ZC3H3: variants seen among roughly 807,000 people sequenced by gnomAD.
ZC3H3 encodes the protein zinc finger CCCH-type containing 3.
A neutral mutation model predicts 77.3 loss-of-function variants in ZC3H3; 36 were observed. That is an observed-to-expected ratio of 0.47 (90% confidence interval 0.36 to 0.61). The LOEUF is 0.61. ZC3H3 is among the 20% of genes least tolerant of loss of function. The pLI, the probability that ZC3H3 is intolerant of heterozygous loss-of-function variation, is 0.00. For synonymous variants in ZC3H3, 626 were observed against 555.2 expected (o/e 1.13, Z -1.79); for missense variants, 1,331 against 1,312.2 (o/e 1.01, Z -0.22).
intron 4 of ZC3H3, among the ~76,000 whole-genome samples, chr8:143,481,353 G>T (rs935051486): frequency 6.6e-6 from 1 of 152,156 alleles, no homozygotes; most frequent in East Asian, 1.9e-4. Context: ...TTCCCTCCCC[G>T]CCACCGAAGT....
chr8:143,529,950 C>T (rs1226758726), intron 3 of ZC3H3, among the ~76,000 whole-genome samples: 3 of 152,230 alleles, frequency 2.0e-5, no homozygotes, highest in African/African-American at 7.2e-5. Flanking sequence ...CCCACGCCTG[C>T]CCTTTCTGCC....
Position 143,479,204 on chromosome 8 carries a change from C to T in ZC3H3, c.1716-3619G>A, listed in dbSNP as rs372814922. 3.3e-5 allele frequency among the ~76,000 whole-genome samples: 5 copies of T among 152,296 alleles called. No homozygotes were observed. The East Asian group carries it at 9.6e-4, about 29-fold the overall frequency. On this transcript the variant is annotated intron_variant, in intron 4 of 11. Coordinates refer to ENST00000262577, the MANE Select transcript of ZC3H3 (RefSeq NM_015117.3). ...CTAGGGTTGCCCTCACCCCTGCCCT[C>T]GCCCTGGCTGCCTGGCTGGCTTTGG... is the stretch of plus-strand genomic sequence containing the variant.
intron 4 of ZC3H3, among the ~76,000 whole-genome samples, chr8:143,478,209 G>A (rs983018781): frequency 2.6e-5 from 4 of 152,194 alleles, no homozygotes; most frequent in African/African-American, 7.2e-5. Context: ...TCACCTGCAG[G>A]AGTGTCCCCC....
intron 8 of ZC3H3, among the ~76,000 whole-genome samples, chr8:143,467,550 C>T (rs1205900875): frequency 6.6e-6 from 1 of 152,216 alleles, no homozygotes; most frequent in African/African-American, 2.4e-5. Context: ...TGCCCAACAC[C>T]GCCTCCCTCA....
intron 4 of ZC3H3, among the ~76,000 whole-genome samples, chr8:143,492,311 G>GT (rs1821229612): frequency 6.6e-6 from 1 of 152,130 alleles, no homozygotes; most frequent in African/African-American, 2.4e-5. Context: ...GACTGGCCCA[G>GT]TGGGGGGGAT....
intron 3 of ZC3H3, among the ~76,000 whole-genome samples, chr8:143,521,783 T>C (rs943616530): frequency 1.3e-5 from 2 of 152,124 alleles, no homozygotes; most frequent in African/African-American, 2.4e-5. Context: ...AGGAAGAACG[T>C]AAATTGAGCA....
chr8:143,440,345 C>T lies in ZC3H3; in HGVS notation c.2511G>A (p.Gln837=), dbSNP rs566551144. The T allele has an allele frequency of 4.4e-5, 67 of 1,529,868 alleles. No homozygotes were observed. The East Asian group carries it at 1.5e-3, about 34-fold the overall frequency. 94.8% of individuals were successfully genotyped at this position (1,529,868 alleles called of 1,614,324 possible). A position where few individuals can be genotyped will look rare whatever the true frequency, so the allele number is the denominator to read the frequency against. ...SHGPRKPSAS[Q]RPTRQTPSSA... is the part of the protein sequence containing the mutation. ...AGCTGGGCGTCTGCCTGGTGGGGCG[C>T]TGGGATGCTGAAGGCTTCCTGCAGG... The change falls in exon 11 of 12, where the codon CAG becomes CAA. Residue 837 remains glutamine, a synonymous_variant. Transcript: ENST00000262577.
intron 11 of ZC3H3, among the ~76,000 whole-genome samples, chr8:143,439,546 G>C (rs189016265): frequency 6.6e-6 from 1 of 152,138 alleles, no homozygotes; most frequent in Non-Finnish European, 1.5e-5. Context: ...AATGCTCATC[G>C]GGGGAGAGGG....
rs927165048 is a variant in ZC3H3, at chr8:143,440,234, G to A, written c.2622C>T (p.Ser874=). 2 of 1,603,334 alleles carry A rather than the reference G, an allele frequency of 1.2e-6. No individual in the cohort carries two copies. The highest frequency in any genetic ancestry group is 1.7e-6 in the Non-Finnish European group (2 of 1,175,990). Residue 874 remains serine (S), a synonymous_variant, in exon 11 of 12, where the codon TCC becomes TCT. Coordinates refer to ENST00000262577, the MANE Select transcript of ZC3H3 (RefSeq NM_015117.3). ...SASPSSSKAS[S]SSSSSSSPPA... ...GAGGGGATGAGGAGGAGGAGGAGGA[G>A]GAGGAAGCCTTCGAGGATGAGGGAG...
At chr8:143,527,048 A>C (rs1185672742) in intron 3 of ZC3H3, among the ~76,000 whole-genome samples, 1 of 152,112 alleles carries the variant, frequency 6.6e-6, no homozygotes, top group East Asian at 1.9e-4. Flanking sequence ...AGGGGTGGCC[A>C]TCGGGACGGC....
Position 143,468,618 on chromosome 8 carries a change from T to C in ZC3H3, c.1945A>G (p.Ser649Gly). Residue 649 changes from serine to glycine, a missense_variant and splice_region_variant, in exon 6 of 12, where the codon AGC becomes GGC. Transcript: ENST00000262577. The stretch of plus-strand genomic sequence containing the variant: ...CACTGCCCAGCCCAAAGGCATTACC[T>C]GGCCAGGGAACGGCTACAGCTGCCT... ...PAGSCSRSLA[S>G]RAVQRSLAII... 1 of 1,561,680 alleles carries C rather than the reference T, an allele frequency of 6.4e-7. No individual in the cohort carries two copies. Among genetic ancestry groups the C allele is most frequent in the Non-Finnish European group, 8.7e-7 (1 of 1,153,636 alleles).
rs768485909 is a variant in ZC3H3 at position 143,539,070 on chromosome 8, C to A, written c.297G>T (p.Arg99=). The change falls in exon 2 of 12, where the codon CGG becomes CGT. Residue 99 remains arginine (R), a synonymous_variant. Transcript: ENST00000262577. ...DHAVRPLHGA[R]GGQPPVPQQH... is the part of the protein sequence containing the mutation. ...GCTGCGGGACAGGAGGCTGGCCCCC[C>A]CGGGCCCCGTGCAACGGCCGCACAG... 13 of 1,612,868 alleles carry A rather than the reference C, an allele frequency of 8.1e-6. No homozygotes were observed. Among genetic ancestry groups the A allele is most frequent in the African/African-American group, 1.3e-5 (1 of 74,936 alleles).
At chr8:143,479,766 C>T (rs1820856664) in intron 4 of ZC3H3, among the ~76,000 whole-genome samples, 1 of 152,216 alleles carries the variant, frequency 6.6e-6, no homozygotes, top group Admixed American at 6.5e-5. Context: ...CTTGACTACA[C>T]CAGGGCGAGG....
intron 3 of ZC3H3, among the ~76,000 whole-genome samples, chr8:143,523,115 C>T (rs1462923216): frequency 6.6e-6 from 1 of 152,176 alleles, no homozygotes; most frequent in Non-Finnish European, 1.5e-5. Flanking sequence ...CCAGACTGGG[C>T]CTCTTCTCCC....
At chr8:143,531,871 T>G (rs1822621935) in intron 3 of ZC3H3, among the ~76,000 whole-genome samples, 1 of 152,240 alleles carries the variant, frequency 6.6e-6, no homozygotes, top group Admixed American at 6.5e-5. Context: ...GGTAAATGTT[T>G]AAAATCTTTT....
At chr8:143,441,942 C>T (rs1337505757) in intron 9 of ZC3H3, among the ~76,000 whole-genome samples, 2 of 152,194 alleles carry the variant, frequency 1.3e-5, no homozygotes, top group Admixed American at 6.5e-5. Flanking sequence ...AAGCGACAGG[C>T]GTCCCCAATG....
intron 3 of ZC3H3, among the ~76,000 whole-genome samples, chr8:143,509,973 G>T (rs1025900437): frequency 1.3e-5 from 2 of 152,194 alleles, no homozygotes; most frequent in African/African-American, 2.4e-5. Flanking sequence ...AGCCCCGACT[G>T]CACACAGGAC....
At chr8:143,491,170 G>A (rs1821191389) in intron 4 of ZC3H3, among the ~76,000 whole-genome samples, 2 of 152,174 alleles carry the variant, frequency 1.3e-5, no homozygotes, top group South Asian at 4.1e-4. Flanking sequence ...GGCACAGGGG[G>A]CTCCGCCCTC....
At chr8:143,490,536 G>T (rs538608186) in intron 4 of ZC3H3, among the ~76,000 whole-genome samples, 94 of 152,380 alleles carry the variant, frequency 6.2e-4, no homozygotes, top group Non-Finnish European at 1.1e-3. Flanking sequence ...TTGTCCATCT[G>T]CCAGATACTC....
Sources: allele counts gnomAD v4.1 joint callset (sites outside exome capture counted in the v4.1 genomes callset), GRCh38; gene constraint gnomAD v4.1.1; transcripts MANE v1.5; gene names NCBI Gene and HGNC (gene_info 2026-07-23, HGNC 2026-07-21).